The following YES1 variants were observed in gnomAD, a reference collection of about 807,000 sequenced individuals.
The protein encoded by YES1 is tyrosine-protein kinase Yes.
Under a neutral mutation model 70.4 loss-of-function variants are expected in YES1, and 39 were observed. The observed-to-expected ratio is 0.55, with a 90% CI of 0.43 to 0.72. YES1 has a LOEUF of 0.72. YES1 is among the 30% of genes least tolerant of loss of function. The pLI is 0.00. For synonymous variants in YES1, 198 were observed against 218.6 expected (o/e 0.91, Z 0.83); for missense variants, 495 against 644.8 (o/e 0.77, Z 2.52).
At chr18:781,233 C>T (rs1418242708) in intron 1 of YES1, among the ~76,000 whole-genome samples, 1 of 141,586 alleles carries the variant, frequency 7.1e-6, no homozygotes, top group Non-Finnish European at 1.5e-5. Context: ...CGCGCCATTG[C>T]ACTGCAGCCT....
At chr18:795,680 TCA>T (rs1440282342) in intron 1 of YES1, among the ~76,000 whole-genome samples, 1 of 139,860 alleles carries the variant, frequency 7.2e-6, no homozygotes, top group Non-Finnish European at 1.5e-5. Context: ...CCGTATGTTC[TCA>T]CTTATAAGTG....
At chr18:734,567 A>G (rs2080130031) in intron 10 of YES1, among the ~76,000 whole-genome samples, 1 of 152,012 alleles carries the variant, frequency 6.6e-6, no homozygotes, top group Non-Finnish European at 1.5e-5. Flanking sequence ...AAAACAAAAC[A>G]AAACAAAAAA....
chr18:736,335 AG>A (rs34753979), intron 10 of YES1: 10 of 154,690 alleles, frequency 6.5e-5, no homozygotes, highest in Non-Finnish European at 1.1e-4. Context: ...TGTGGGGGGA[AG>A]GGGGGGTTTG....
Position 731,839 on chromosome 18 carries a change from T to C in YES1, c.1423+995A>G, listed in dbSNP as rs111294651. Among the ~76,000 whole-genome samples, 348 of 151,684 alleles carry C rather than the reference T, an allele frequency of 2.3e-3. 1 individual carries two copies. The highest frequency in any genetic ancestry group is 7.5e-3 in the African/African-American group (312 of 41,370). ...AAAATTAGCTGGGCGTGGTGGCGGG[T>C]GCCTATAGTCCTAGCTACTCGGGAG... On this transcript the variant is annotated intron_variant, in intron 11 of 11. Transcript: ENST00000314574.
chr18:786,593 A>G (rs2145807751), intron 1 of YES1, among the ~76,000 whole-genome samples: 1 of 152,104 alleles, frequency 6.6e-6, no homozygotes, highest in Admixed American at 6.5e-5. Flanking sequence ...GCTTGCCAAA[A>G]TTAATACCAT....
rs559484402 is a variant in YES1, at chr18:773,224, G to A, written c.-8-16389C>T. Among the ~76,000 whole-genome samples the A allele has an allele frequency of 2.6e-4, 40 of 152,362 alleles. No individual in the cohort carries two copies. The South Asian group carries it at 8.3e-3, about 32-fold the overall frequency. ...GAAGTCAAAAATCTGGAAGATTAAT[G>A]TTTAATGCTGATCCAGCTCTACTAA... On this transcript the variant is annotated intron_variant, in intron 1 of 11. Coordinates refer to ENST00000314574, the MANE Select transcript of YES1 (RefSeq NM_005433.4).
intron 3 of YES1, among the ~76,000 whole-genome samples, chr18:749,213 G>C (rs2080314625): frequency 6.6e-6 from 1 of 152,038 alleles, no homozygotes; most frequent in African/African-American, 2.4e-5. Flanking sequence ...TGCATTTCTG[G>C]CCGGGCGCGG....
rs187523021 is a variant in YES1 at position 778,595 on chromosome 18, G to C, written c.-8-21760C>G. Among the ~76,000 whole-genome samples the C allele has an allele frequency of 5.9e-5, 9 of 152,242 alleles. No homozygotes were observed. The East Asian group carries it at 1.4e-3, about 23-fold the overall frequency. On this transcript the variant is annotated intron_variant, in intron 1 of 11. Coordinates refer to ENST00000314574, the MANE Select transcript of YES1 (RefSeq NM_005433.4). ...GTTTGGAAGGAATAGCCCTAGTCTG[G>C]CATTTTGCCCAGATGGCTCCAATTT...
At chr18:800,788 C>T (rs578165675) in intron 1 of YES1, among the ~76,000 whole-genome samples, 1 of 152,280 alleles carries the variant, frequency 6.6e-6, no homozygotes, top group South Asian at 2.1e-4. Flanking sequence ...TGGCTCATGC[C>T]TATAATCTCA....
intron 8 of YES1, 21 bp from the exon 9 acceptor site, chr18:739,832 T>C: frequency 6.3e-7 from 1 of 1,587,102 alleles, no homozygotes; most frequent in African/African-American, 1.3e-5. Flanking sequence ...CAGCAAGATA[T>C]TCATAAAAAA....
At chr18:756,137 G>A (rs942751021) in intron 2 of YES1, among the ~76,000 whole-genome samples, 1 of 151,912 alleles carries the variant, frequency 6.6e-6, no homozygotes, top group African/African-American at 2.4e-5. Context: ...CTGTATTATC[G>A]CTACTCTACT....
chr18:797,830 C>T (rs1277247195), intron 1 of YES1, among the ~76,000 whole-genome samples: 1 of 152,124 alleles, frequency 6.6e-6, no homozygotes, highest in African/African-American at 2.4e-5. Context: ...ACTGGTAGGG[C>T]CCTGGAAGTA....
intron 1 of YES1, among the ~76,000 whole-genome samples, chr18:775,442 A>C (rs1905330208): frequency 2.6e-5 from 4 of 152,178 alleles, no homozygotes; most frequent in Admixed American, 2.6e-4. Context: ...AGTTCCTCTT[A>C]ACCATTACCT....
At chr18:746,793 T>G (rs1349959138) in intron 4 of YES1, among the ~76,000 whole-genome samples, 3 of 152,168 alleles carry the variant, frequency 2.0e-5, no homozygotes, top group African/African-American at 7.2e-5. Context: ...TTTTAAAAGT[T>G]GCAAAAATAG....
intron 1 of YES1, among the ~76,000 whole-genome samples, chr18:797,428 G>A (rs1446521958): frequency 1.3e-5 from 2 of 151,698 alleles, no homozygotes; most frequent in Non-Finnish European, 2.9e-5. Flanking sequence ...CATGCCATTA[G>A]AACACTTTAT....
At chr18:765,916 T>G (rs1223984075) in intron 1 of YES1, among the ~76,000 whole-genome samples, 1 of 152,176 alleles carries the variant, frequency 6.6e-6, no homozygotes, top group Admixed American at 6.5e-5. Context: ...AGTTGAAGAA[T>G]AATAAGTGAG....
At position 761,770 on chromosome 18, in the gene YES1, T is replaced by C. The variant is rs116465254; in HGVS notation, c.-8-4935A>G. On this transcript the variant is annotated intron_variant, in intron 1 of 11. Coordinates refer to ENST00000314574, the MANE Select transcript of YES1 (RefSeq NM_005433.4). ...CCACCAGCACCCCAGTATCAATGCA[T>C]AGGACCCATCATTGCTGCTCATCTC... Among the ~76,000 whole-genome samples, 1,286 of 152,340 alleles carry C rather than the reference T, an allele frequency of 8.4e-3. 15 individuals carry two copies. Among genetic ancestry groups the C allele is most frequent in the African/African-American group, 0.029 (1,219 of 41,578 alleles).
At chr18:781,278 A>AAAAAAT (rs1183964802) in intron 1 of YES1, among the ~76,000 whole-genome samples, 1 of 151,630 alleles carries the variant, frequency 6.6e-6, no homozygotes, top group Non-Finnish European at 1.5e-5. Context: ...TCAAAAAAAA[A>AAAAAAT]AAAAAAAATA....
Position 756,613 on chromosome 18 carries a change from C to G in YES1, c.215G>C (p.Gly72Ala). ...FGGSSGVTPF[G>A]GASSSFSVVP... ...CACTGAAAATGAGGAAGATGCACCT[C>G]CAAAAGGCGTTACCCCTGAGGATCC... Residue 72 changes from glycine (G) to alanine (A), a missense_variant, in exon 2 of 12, where the codon GGA becomes GCA. Coordinates refer to ENST00000314574, the MANE Select transcript of YES1 (RefSeq NM_005433.4). The G allele has an allele frequency of 6.2e-7, 1 of 1,614,152 alleles. No individual in the cohort carries two copies. The highest frequency in any genetic ancestry group is 8.5e-7 in the Non-Finnish European group (1 of 1,180,036).
Sources: allele counts gnomAD v4.1 joint callset (sites outside exome capture counted in the v4.1 genomes callset), GRCh38; gene constraint gnomAD v4.1.1; transcripts MANE v1.5; gene names NCBI Gene and HGNC (gene_info 2026-07-23, HGNC 2026-07-21).